The following MYO3B variants were observed in gnomAD, a reference collection of about 807,000 sequenced individuals.
MYO3B encodes myosin IIIB.
MYO3B carries 156 observed loss-of-function variants against 174.6 expected under a neutral mutation model. The ratio of observed to expected loss-of-function variants is 0.89; its 90% CI spans 0.78 to 1.02. MYO3B has a LOEUF of 1.02. Ranked by LOEUF, MYO3B falls within the 50% of genes least tolerant of loss-of-function variation. The pLI is 0.00. For missense variants in MYO3B, 1,632 were observed against 1,639.4 expected, an observed-to-expected ratio of 1.00 and a Z score of 0.08; for synonymous variants, 563 against 569.1, an observed-to-expected ratio of 0.99 and a Z score of 0.15.
intron 8 of MYO3B, chr2:170,345,353 T>A (rs571772796): frequency 6.6e-6 from 1 of 152,330 alleles, no homozygotes; most frequent in African/African-American, 2.4e-5. Context: ...TCTGTTGGTC[T>A]TATGTGCTTT....
At chr2:170,274,632 A>G (rs2093449996) in intron 7 of MYO3B, among the ~76,000 whole-genome samples, 1 of 152,186 alleles carries the variant, frequency 6.6e-6, no homozygotes, top group African/African-American at 2.4e-5. Context: ...CTACAGAGGC[A>G]TGAAGCTACT....
At chr2:170,421,139 C>T (rs982646341) in intron 22 of MYO3B, among the ~76,000 whole-genome samples, 20 of 152,084 alleles carry the variant, frequency 1.3e-4, no homozygotes, top group African/African-American at 4.8e-4. Context: ...CCTGGTAGTG[C>T]TGGGAACACT....
chr2:170,254,802 G>T lies in MYO3B; in HGVS notation c.749+18666G>T, dbSNP rs558244060. On this transcript the variant is annotated intron_variant, in intron 7 of 34. Transcript: ENST00000408978. ...GAACTGGGTATCCCACCCTGTGCAAGACCAGTCTGGGAAGGGTGTAGCCTG... is the reference window on the plus strand; with the variant it reads ...GAACTGGGTATCCCACCCTGTGCAATACCAGTCTGGGAAGGGTGTAGCCTG... Among the ~76,000 whole-genome samples, 13 of 152,330 alleles carry T rather than the reference G, an allele frequency of 8.5e-5. No individual in the cohort carries two copies. In the South Asian group the frequency reaches 2.7e-3, roughly 32 times the overall value.
chr2:170,404,941 C>T (rs2105806872), intron 20 of MYO3B, among the ~76,000 whole-genome samples: 1 of 152,324 alleles, frequency 6.6e-6, no homozygotes, highest in South Asian at 2.1e-4. Flanking sequence ...ATTCTGTACC[C>T]TATTCTTGAA....
chr2:170,401,911 A>G (rs1449766449), intron 18 of MYO3B, among the ~76,000 whole-genome samples: 1 of 150,018 alleles, frequency 6.7e-6, no homozygotes, highest in East Asian at 2.0e-4. Flanking sequence ...CAAGTGATTC[A>G]ACTGCCTCCG....
chr2:170,629,372 G>A (rs1454343819), intron 32 of MYO3B, among the ~76,000 whole-genome samples: 1 of 152,108 alleles, frequency 6.6e-6, no homozygotes, highest in African/African-American at 2.4e-5. Context: ...GATCTTCCCT[G>A]TTATTTTTCC....
chr2:170,634,443 C>T (rs1172447953), intron 32 of MYO3B, among the ~76,000 whole-genome samples: 1 of 151,868 alleles, frequency 6.6e-6, no homozygotes, highest in Non-Finnish European at 1.5e-5. Context: ...TGGATCCCTT[C>T]CTTACACCTT....
chr2:170,232,606 G>A (rs193091481), intron 6 of MYO3B, among the ~76,000 whole-genome samples: 6 of 152,208 alleles, frequency 3.9e-5, no homozygotes, highest in African/African-American at 1.4e-4. Flanking sequence ...CCCTGCCTGG[G>A]TTCAAATTCT....
intron 25 of MYO3B, among the ~76,000 whole-genome samples, chr2:170,481,800 A>G (rs749471612): frequency 1.3e-5 from 2 of 152,050 alleles, no homozygotes; most frequent in African/African-American, 2.4e-5. Flanking sequence ...CTTGCATACT[A>G]TCGTTTCCAT....
chr2:170,577,042 T>A (rs917151300), intron 32 of MYO3B, among the ~76,000 whole-genome samples: 2 of 152,232 alleles, frequency 1.3e-5, no homozygotes, highest in Non-Finnish European at 1.5e-5. Context: ...CTTTGCCTAT[T>A]GGTTCAGTTG....
intron 6 of MYO3B, among the ~76,000 whole-genome samples, chr2:170,220,581 A>G (rs1390394891): frequency 7.0e-6 from 1 of 143,802 alleles, no homozygotes; most frequent in Non-Finnish European, 1.5e-5. Flanking sequence ...GTGAGCCAAG[A>G]TTGCACCACT....
At chr2:170,184,547 C>T (rs761357146) in intron 1 of MYO3B, among the ~76,000 whole-genome samples, 13 of 152,102 alleles carry the variant, frequency 8.5e-5, no homozygotes, top group Non-Finnish European at 1.5e-4. Context: ...AATAATATTC[C>T]ATTGTATATA....
At chr2:170,399,745 T>A (rs553808794) in intron 16 of MYO3B, among the ~76,000 whole-genome samples, 2 of 152,186 alleles carry the variant, frequency 1.3e-5, no homozygotes, top group Non-Finnish European at 2.9e-5. Flanking sequence ...GAGCTGGTAT[T>A]AGTTAGGGTA....
chr2:170,329,248 TG>T (rs1284752318), intron 7 of MYO3B, among the ~76,000 whole-genome samples: 1 of 151,060 alleles, frequency 6.6e-6, no homozygotes, highest in African/African-American at 2.5e-5. Flanking sequence ...TGTGTGTGTG[TG>T]TGTGTGTGTG....
intron 32 of MYO3B, among the ~76,000 whole-genome samples, chr2:170,573,125 C>G (rs1345936138): frequency 1.3e-5 from 2 of 150,950 alleles, no homozygotes; most frequent in Non-Finnish European, 2.9e-5. Context: ...TTCTGTTATT[C>G]TAGAAATTGG....
chr2:170,554,062 C>T (rs917403704), intron 32 of MYO3B, among the ~76,000 whole-genome samples: 5 of 152,048 alleles, frequency 3.3e-5, no homozygotes, highest in Middle Eastern at 3.2e-3. Flanking sequence ...TATAAACTAC[C>T]GAGTCTTGGG....
intron 8 of MYO3B, among the ~76,000 whole-genome samples, chr2:170,339,163 A>G (rs971023384): frequency 1.3e-5 from 2 of 152,182 alleles, no homozygotes; most frequent in Non-Finnish European, 2.9e-5. Flanking sequence ...TAAGCTTTTC[A>G]TTATTGGAGG....
chr2:170,342,571 G>A (rs1411331129), intron 8 of MYO3B, among the ~76,000 whole-genome samples: 1 of 152,142 alleles, frequency 6.6e-6, no homozygotes, highest in East Asian at 1.9e-4. Context: ...CCAGTCCTCA[G>A]TTGTCAAATT....
intron 32 of MYO3B, among the ~76,000 whole-genome samples, chr2:170,587,167 G>C (rs1438606607): frequency 2.6e-5 from 4 of 152,136 alleles, no homozygotes; most frequent in Admixed American, 6.5e-5. Context: ...CATAATTTTA[G>C]ATAATGATAA....
Sources: allele counts gnomAD v4.1 joint callset (sites outside exome capture counted in the v4.1 genomes callset), GRCh38; gene constraint gnomAD v4.1.1; transcripts MANE v1.5; gene names NCBI Gene and HGNC (gene_info 2026-07-23, HGNC 2026-07-21).